NXPE3: variants seen among roughly 807,000 people sequenced by gnomAD.
NXPE3 encodes neurexophilin and PC-esterase domain family member 3.
In NXPE3, 26 loss-of-function variants were observed where a neutral mutation model predicts 46.1. That is an observed-to-expected ratio of 0.56 (90% CI 0.41 to 0.78). NXPE3 has a LOEUF of 0.78. Among genes scored for constraint, NXPE3 ranks in the 30% least tolerant of loss-of-function variants. The pLI, the probability that NXPE3 is intolerant of heterozygous loss-of-function variation, is 0.00. For synonymous variants in NXPE3, 272 were observed against 257.9 expected (o/e 1.05, Z -0.52); for missense variants, 620 against 686.0 (o/e 0.90, Z 1.07).
chr3:101,805,539 A>C (rs1357825383), intron 5 of NXPE3, among the ~76,000 whole-genome samples: 1 of 151,932 alleles, frequency 6.6e-6, no homozygotes. Flanking sequence ...CCTGGGGTCA[A>C]GTGATTCTTG....
chr3:101,789,593 C>G (rs1940386867), intron 4 of NXPE3, among the ~76,000 whole-genome samples: 1 of 152,170 alleles, frequency 6.6e-6, no homozygotes, highest in African/African-American at 2.4e-5. Context: ...CTATATACTG[C>G]TCTAATGTAT....
At position 101,814,592 on chromosome 3, in the gene NXPE3, G is replaced by A. The variant is rs1270104192; in HGVS notation, c.923-2203G>A. On this transcript the variant is annotated intron_variant, in intron 6 of 7. Coordinates refer to ENST00000273347, the MANE Select transcript of NXPE3 (RefSeq NM_145037.4). ...TAATGTCAAGTCAAATAAGCTAAAA[G>A]TAGTCACAAATAGGGGAGTCACTTA... Among the ~76,000 whole-genome samples the A allele has an allele frequency of 2.0e-5, 3 of 152,146 alleles. No homozygotes were observed. The East Asian group carries it at 5.8e-4, about 29-fold the overall frequency.
chr3:101,801,773 A>G lies in NXPE3; in HGVS notation c.632A>G (p.Lys211Arg). 1.9e-6 allele frequency: 3 copies of G among 1,614,242 alleles called. No individual in the cohort carries two copies. Among genetic ancestry groups the G allele is most frequent in the Admixed American group, 1.7e-5 (1 of 60,026 alleles). Residue 211 changes from lysine (K) to arginine (R), a missense_variant, in exon 5 of 8, where the codon AAG becomes AGG. Around this residue, in one of 3 missense-constraint regions of NXPE3, gnomAD observed 511 missense variants for 528.6 expected, o/e 0.97. Coordinates refer to ENST00000273347, the MANE Select transcript of NXPE3 (RefSeq NM_145037.4). ...GATAAACCAGACAGGGTCTATTTCA[A>G]GAGTCTCTTCCGTTCAGGAAGAATT... Reference protein sequence around the residue: ...QEDKPDRVYFKSLFRSGRISE... With the variant: ...QEDKPDRVYFRSLFRSGRISE...
In NXPE3 at chr3:101,827,287, T is replaced by C. The variant is rs1248525573; in HGVS notation, c.*5333T>C. ...TAAATGGAAAAGAAGTGAAACTAAA[T>C]GTCATAGGAGAAATCCTTTCAGTTT... On this transcript the variant is annotated 3_prime_UTR_variant, in exon 8 of 8. Transcript: ENST00000273347. The C allele has an allele frequency of 6.6e-6, 1 of 152,154 alleles. No individual in the cohort carries two copies. Among genetic ancestry groups the C allele is most frequent in the Admixed American group, 6.6e-5 (1 of 15,266 alleles). The allele number at this position is 152,154 out of a possible 1,614,324, so 9.4% of individuals were successfully genotyped here.
chr3:101,802,094 C>T, intron 5 of NXPE3, 105 bp downstream of exon 5: 2 of 1,089,118 alleles, frequency 1.8e-6, no homozygotes. Context: ...TTACCTCTCT[C>T]TCAACTTGGC....
intron 6 of NXPE3, among the ~76,000 whole-genome samples, chr3:101,807,618 GTT>G (rs1194188193): frequency 4.6e-5 from 7 of 151,926 alleles, no homozygotes; most frequent in African/African-American, 1.7e-4. Context: ...GCACGGCCGA[GTT>G]TTGCTATTTA....
intron 4 of NXPE3, among the ~76,000 whole-genome samples, chr3:101,791,735 A>T (rs1288576089): frequency 2.0e-5 from 3 of 152,186 alleles, no homozygotes; most frequent in African/African-American, 7.2e-5. Context: ...TGTTGTGAAT[A>T]GTGCTGCAGT....
chr3:101,785,836 A>G, intron 4 of NXPE3, 147 bp downstream of exon 4: 6 of 670,124 alleles, frequency 9.0e-6, no homozygotes, highest in Non-Finnish European at 1.3e-5. Flanking sequence ...GCGTGCTCAC[A>G]ATGGTTATAT....
intron 4 of NXPE3, among the ~76,000 whole-genome samples, chr3:101,796,869 T>C (rs1940857749): frequency 2.0e-5 from 3 of 152,210 alleles, no homozygotes; most frequent in Non-Finnish European, 2.9e-5. Context: ...TGGTTTGTTA[T>C]AGGTGGGGAT....
At position 101,801,347 on chromosome 3, in the gene NXPE3, C is replaced by A. The variant is rs765770597; in HGVS notation, c.206C>A (p.Thr69Asn). The A allele has an allele frequency of 6.2e-7, 1 of 1,614,226 alleles. No homozygotes were observed. Among genetic ancestry groups the A allele is most frequent in the Admixed American group, 1.7e-5 (1 of 60,032 alleles). ...RNPYCGYDQQ[T>N]LSSQERMEED... ...CCCTACTGTGGCTATGATCAGCAGACCCTGTCCAGCCAGGAGCGCATGGAG... is the reference window on the plus strand; with the variant it reads ...CCCTACTGTGGCTATGATCAGCAGAACCTGTCCAGCCAGGAGCGCATGGAG... The change falls in exon 5 of 8, where the codon ACC (threonine) becomes AAC (asparagine). Residue 69 changes from threonine to asparagine, a missense_variant. Coordinates refer to ENST00000273347, the MANE Select transcript of NXPE3 (RefSeq NM_145037.4).
chr3:101,808,854 T>TATATATACATATATATATAC (rs770360739), intron 6 of NXPE3, among the ~76,000 whole-genome samples: 2,728 of 100,240 alleles, frequency 0.027, 258 homozygotes, highest in Middle Eastern at 0.052. Flanking sequence ...TATATATATA[T>TATATATACATATATATATAC]ATGAGACATT....
At chr3:101,787,102 G>A (rs1210949679) in intron 4 of NXPE3, among the ~76,000 whole-genome samples, 3 of 151,314 alleles carry the variant, frequency 2.0e-5, no homozygotes, top group East Asian at 2.0e-4. Context: ...GCTGTGAGCT[G>A]AGATCATGCC....
In NXPE3 at chr3:101,801,621, G is replaced by A. The variant is rs1941154945; in HGVS notation, c.480G>A (p.Arg160=). 1 of 1,614,204 alleles carries A rather than the reference G, an allele frequency of 6.2e-7. No individual in the cohort carries two copies. Among genetic ancestry groups the A allele is most frequent in the East Asian group, 2.2e-5 (1 of 44,892 alleles). The change falls in exon 5 of 8, where the codon AGG becomes AGA. Residue 160 remains arginine, a synonymous_variant. Transcript: ENST00000273347. ...SLKLQAGAVG[R]VVDYQNGFYK... ...AGCTGCAGGCTGGGGCTGTGGGCAG[G>A]GTGGTGGATTACCAGAATGGGTTTT...
intron 6 of NXPE3, among the ~76,000 whole-genome samples, chr3:101,810,891 C>T (rs983959705): frequency 7.2e-5 from 11 of 151,740 alleles, no homozygotes; most frequent in African/African-American, 2.4e-4. Context: ...TGCAGTGGTG[C>T]GATCCTGGCT....
rs141442938 is a variant in NXPE3 at position 101,801,365 on chromosome 3, G to C, written c.224G>C (p.Arg75Pro). ...YDQQTLSSQE[R>P]MEEDSLLAAL... is the part of the protein sequence containing the mutation. ...CAGCAGACCCTGTCCAGCCAGGAGC[G>C]CATGGAGGAGGACTCCTTGCTGGCT... Residue 75 changes from arginine (R) to proline (P), a missense_variant, in exon 5 of 8, where the codon CGC becomes CCC. This residue lies in a region of NXPE3 where 511 missense variants were observed against 528.6 expected (regional missense o/e 0.97). Coordinates refer to ENST00000273347, the MANE Select transcript of NXPE3 (RefSeq NM_145037.4). The C allele has an allele frequency of 5.0e-6, 8 of 1,614,078 alleles. No individual in the cohort carries two copies. Among genetic ancestry groups the C allele is most frequent in the Non-Finnish European group, 6.8e-6 (8 of 1,180,054 alleles).
At chr3:101,814,261 A>G (rs1201671821) in intron 6 of NXPE3, among the ~76,000 whole-genome samples, 1 of 152,276 alleles carries the variant, frequency 6.6e-6, no homozygotes, top group African/African-American at 2.4e-5. Flanking sequence ...ATGTACTGAT[A>G]TAATGAGGGA....
chr3:101,810,040 A>G (rs1252253894), intron 6 of NXPE3, among the ~76,000 whole-genome samples: 1 of 152,220 alleles, frequency 6.6e-6, no homozygotes, highest in Non-Finnish European at 1.5e-5. Context: ...TAAGATTCAT[A>G]TTTAGATTGC....
chr3:101,806,193 T>G (rs1225069067), intron 5 of NXPE3, among the ~76,000 whole-genome samples: 3 of 152,206 alleles, frequency 2.0e-5, no homozygotes, highest in African/African-American at 4.8e-5. Context: ...TAAACAGTTT[T>G]TTCTGAAATT....
chr3:101,801,019 T>C (rs918853151), intron 4 of NXPE3, among the ~76,000 whole-genome samples: 4 of 152,170 alleles, frequency 2.6e-5, no homozygotes, highest in African/African-American at 9.7e-5. Context: ...GCAGCTTTGT[T>C]AAGAACAACA....
Sources: gnomAD v4.1 joint callset for allele counts (sites outside exome capture counted in the v4.1 genomes callset) on GRCh38, gnomAD v4.1.1 for gene constraint, gnomAD v4.1.1 regional missense constraint, MANE v1.5 for transcripts, NCBI Gene and HGNC (gene_info 2026-07-23, HGNC 2026-07-21) for gene names.